KCNQ2: variants seen among roughly 807,000 people sequenced by gnomAD.
KCNQ2 encodes the protein potassium voltage-gated channel subfamily Q member 2, also known as potassium voltage-gated channel subfamily KQT member 2.
KCNQ2 carries 14 observed loss-of-function variants against 84.8 expected under a neutral mutation model. The ratio of observed to expected loss-of-function variants is 0.17; its 90% confidence interval spans 0.11 to 0.26. The LOEUF is 0.26. KCNQ2 is among the 10% of genes least tolerant of loss of function. The pLI is 1.00. For missense variants in KCNQ2, 788 were observed against 1,254.0 expected (o/e 0.63, Z 5.61); for synonymous variants, 599 against 554.1 (o/e 1.08, Z -1.14).
intron 12 of KCNQ2, among the ~76,000 whole-genome samples, chr20:63,419,317 C>T (rs2145585825): frequency 6.6e-6 from 1 of 152,314 alleles, no homozygotes; most frequent in African/African-American, 2.4e-5. Context: ...CCCTGAAGAG[C>T]AGTCGGGGAC....
At chr20:63,444,176 G>A (rs1030431100) in intron 4 of KCNQ2, among the ~76,000 whole-genome samples, 1 of 152,252 alleles carries the variant, frequency 6.6e-6, no homozygotes, top group African/African-American at 2.4e-5. Context: ...GGCAGGATGG[G>A]GTCTCGGTCA....
chr20:63,414,858 C>T lies in KCNQ2; in HGVS notation c.1525+45G>A, dbSNP rs1601572438. On this transcript the variant is annotated intron_variant, in intron 13 of 16. Transcript: ENST00000359125. The surrounding 1 kb of genome is among the most constrained non-coding windows in gnomAD (Gnocchi z 6.6). ...GCCACAGTAGCGTGGCCACCACATC[C>T]ATCCCCGGAGAGGATGGACCAGGAG... The T allele has an allele frequency of 6.3e-7, 1 of 1,591,086 alleles. No individual in the cohort carries two copies.
rs1322141098 is a variant in KCNQ2 at position 63,460,552 on chromosome 20, A to T, written c.296+11616T>A. Reference sequence around the variant, plus strand: ...AGCTCCAGTCCCTGGCCCCCTACAAACGTCCTAGTGAGTGCTCTCTCTCGG... The same window carrying T: ...AGCTCCAGTCCCTGGCCCCCTACAATCGTCCTAGTGAGTGCTCTCTCTCGG... On this transcript the variant is annotated intron_variant, in intron 1 of 16. Coordinates refer to ENST00000359125, the MANE Select transcript of KCNQ2 (RefSeq NM_172107.4). The surrounding 1 kb of genome is among the most constrained non-coding windows in gnomAD (Gnocchi z 5.4). Among the ~76,000 whole-genome samples the T allele has an allele frequency of 6.6e-6, 1 of 151,622 alleles. No individual in the cohort carries two copies. Among genetic ancestry groups the T allele is most frequent in the African/African-American group, 2.4e-5 (1 of 41,248 alleles).
At chr20:63,427,851 AGACATGGAACTGCTT>A (rs939434378) in intron 10 of KCNQ2, among the ~76,000 whole-genome samples, 5 of 152,220 alleles carry the variant, frequency 3.3e-5, no homozygotes, top group African/African-American at 1.2e-4. Flanking sequence ...AAGGGCTTTC[AGACATGGAACTGCTT>A]GGGGACGGCT....
rs552895047 is a variant in KCNQ2, at chr20:63,454,375, G to A, written c.297-7538C>T. On this transcript the variant is annotated intron_variant, in intron 1 of 16. Transcript: ENST00000359125. ...AACAGATGGCACAGATGGCGCTGCC[G>A]GGGGCGGCCGGTGCAGGGGAGGCAG... 4.6e-5 allele frequency among the ~76,000 whole-genome samples: 7 copies of A among 152,326 alleles called. No homozygotes were observed. In the East Asian group the frequency reaches 1.2e-3, roughly 25 times the overall value.
intron 9 of KCNQ2, among the ~76,000 whole-genome samples, chr20:63,428,685 G>A (rs551122252): frequency 6.6e-6 from 1 of 152,332 alleles, no homozygotes; most frequent in South Asian, 2.1e-4. Flanking sequence ...GGACAGCAGG[G>A]AGGAGGGAAG....
At chr20:63,416,211 G>T (rs945191760) in intron 12 of KCNQ2, among the ~76,000 whole-genome samples, 1 of 152,172 alleles carries the variant, frequency 6.6e-6, no homozygotes, top group Non-Finnish European at 1.5e-5. Context: ...GGCCCCCTCG[G>T]CCTGCGAGGC....
rs536060700 is a variant in KCNQ2 at position 63,463,313 on chromosome 20, T to C, written c.296+8855A>G. On this transcript the variant is annotated intron_variant, in intron 1 of 16. Transcript: ENST00000359125. ...ACATCAGGCCCTGCCTGGCCTTATC[T>C]GGTCTACAAAGGGGACTCCAGGCTG... Among the ~76,000 whole-genome samples, 33 of 152,270 alleles carry C rather than the reference T, an allele frequency of 2.2e-4. No individual in the cohort carries two copies. In the South Asian group the frequency reaches 6.4e-3, roughly 30 times the overall value.
In KCNQ2 at chr20:63,408,291, T is replaced by C; in HGVS notation, c.1887+122A>G. On this transcript the variant is annotated intron_variant, in intron 16 of 16. Transcript: ENST00000359125. This position sits in a 1 kb window ranked among gnomAD's most constrained non-coding sequence, Gnocchi z 5.0. ...GCAGCTGTCAGTGGTGACAGGGCCA[T>C]GTAAACCCTAGACTTGAGGAGCCCT... The C allele has an allele frequency of 1.6e-6, 2 of 1,266,182 alleles. No individual in the cohort carries two copies. The highest frequency in any genetic ancestry group is 1.4e-5 in the South Asian group (1 of 73,722). 78.4% of individuals were successfully genotyped at this position (1,266,182 alleles called of 1,614,324 possible).
At position 63,413,523 on chromosome 20, in the gene KCNQ2, C is replaced by G. The variant is rs776422347; in HGVS notation, c.1690G>C (p.Val564Leu). Residue 564 changes from valine to leucine, a missense_variant, in exon 15 of 17, where the codon GTG becomes CTG. Transcript: ENST00000359125. ...KFKESLRPYD[V>L]MDVIEQYSAG... ...GAGTACTGCTCGATGACGTCCATCA[C>G]GTCGTAGGGCCGCAGGCTCTCCTTG... 2 of 1,613,400 alleles carry G rather than the reference C, an allele frequency of 1.2e-6. No homozygotes were observed. The highest frequency in any genetic ancestry group is 1.7e-6 in the Non-Finnish European group (2 of 1,180,016).
Position 63,472,341 on chromosome 20 carries a change from C to G in KCNQ2, c.123G>C (p.Leu41=), listed in dbSNP as rs1600886191. 8.5e-6 allele frequency: 13 copies of G among 1,536,576 alleles called. No individual in the cohort carries two copies. Among genetic ancestry groups the G allele is most frequent in the East Asian group, 5.0e-5 (2 of 39,690 alleles). ...APDSTRDGAL[L]IAGSEAPKRG... is the part of the protein sequence containing the mutation. Reference sequence around the variant, plus strand: ...GCTTGGGGGCCTCGGAGCCGGCGATCAGCAGCGCCCCGTCCCGGGTGGAGT... The same window carrying G: ...GCTTGGGGGCCTCGGAGCCGGCGATGAGCAGCGCCCCGTCCCGGGTGGAGT... The change falls in exon 1 of 17, where the codon CTG becomes CTC. Residue 41 remains leucine, a synonymous_variant. Coordinates refer to ENST00000359125, the MANE Select transcript of KCNQ2 (RefSeq NM_172107.4).
At position 63,424,166 on chromosome 20, in the gene KCNQ2, G is replaced by C; in HGVS notation, c.1247+11C>G. On this transcript the variant is annotated intron_variant, in intron 11 of 16. Transcript: ENST00000359125. ...ACGGCAGACACCAGGGTAGCAGCAG[G>C]GGGCACTGACCTTGGAGACGGCTCC... is the stretch of plus-strand genomic sequence containing the variant. The C allele has an allele frequency of 6.4e-7, 1 of 1,555,778 alleles. No individual in the cohort carries two copies. Among genetic ancestry groups the C allele is most frequent in the South Asian group, 1.2e-5 (1 of 84,348 alleles).
In KCNQ2 at chr20:63,446,655, G is replaced by A. The variant is rs1402275538; in HGVS notation, c.387+92C>T. 1.9e-6 allele frequency: 2 copies of A among 1,067,930 alleles called. No individual in the cohort carries two copies. The highest frequency in any genetic ancestry group is 1.6e-5 in the African/African-American group (1 of 63,814). 66.2% of individuals were successfully genotyped at this position (1,067,930 alleles called of 1,614,324 possible). A position where few individuals can be genotyped will look rare whatever the true frequency, so the allele number is the denominator to read the frequency against. Reference sequence around the variant, plus strand: ...CAGAGCTGGGGCTGGGGGCGTCAGAGGCCCTGTAGTAACAGGAACGGAAGA... The same window carrying A: ...CAGAGCTGGGGCTGGGGGCGTCAGAAGCCCTGTAGTAACAGGAACGGAAGA... On this transcript the variant is annotated intron_variant, in intron 2 of 16. Coordinates refer to ENST00000359125, the MANE Select transcript of KCNQ2 (RefSeq NM_172107.4). This position sits in a 1 kb window ranked among gnomAD's most constrained non-coding sequence, Gnocchi z 5.5.
In KCNQ2 at chr20:63,446,762, C is replaced by T. The variant is rs1758564573; in HGVS notation, c.372G>A (p.Gly124=). The T allele has an allele frequency of 6.2e-6, 10 of 1,613,318 alleles. No homozygotes were observed. Among genetic ancestry groups the T allele is most frequent in the Non-Finnish European group, 8.5e-6 (10 of 1,179,912 alleles). Residue 124 remains glycine, a synonymous_variant, in exon 2 of 17, where the codon GGG becomes GGA. Transcript: ENST00000359125. The surrounding 1 kb of genome is among the most constrained non-coding windows in gnomAD (Gnocchi z 5.5). ...TIKEYEKSSE[G]ALYILEIVTI... ...CGGGGCTCACCAGGATGTAGAGGGC[C>T]CCCTCCGAGCTCTTCTCATACTCCT...
chr20:63,457,195 G>A (rs1021130150), intron 1 of KCNQ2, among the ~76,000 whole-genome samples: 7 of 152,242 alleles, frequency 4.6e-5, no homozygotes, highest in African/African-American at 1.2e-4. Context: ...CAAGGGCCAC[G>A]CTCCTGCAGA....
intron 11 of KCNQ2, 139 bp downstream of exon 11, chr20:63,424,038 G>GT: frequency 1.1e-6 from 1 of 922,244 alleles, no homozygotes. Flanking sequence ...GCGGGGGTCT[G>GT]GACCCGCAGT....
At chr20:63,472,035 G>C in intron 1 of KCNQ2, 133 bp downstream of exon 1, 1 of 618,120 alleles carries the variant, frequency 1.6e-6, no homozygotes, top group Non-Finnish European at 2.6e-6. Context: ...TCCCGCCGGG[G>C]AGCGCCGGCC....
At position 63,408,619 on chromosome 20, in the gene KCNQ2, T is replaced by C; in HGVS notation, c.1764-83A>G. The C allele has an allele frequency of 1.3e-6, 2 of 1,562,366 alleles. No individual in the cohort carries two copies. The highest frequency in any genetic ancestry group is 1.7e-6 in the Non-Finnish European group (2 of 1,157,290). ...CCTCTCCTCCTGGACCAGGCCACAG[T>C]GCCCCTGGGTCTAGGCTGCAGGCTC... is the stretch of plus-strand genomic sequence containing the variant. On this transcript the variant is annotated intron_variant, in intron 15 of 16. Coordinates refer to ENST00000359125, the MANE Select transcript of KCNQ2 (RefSeq NM_172107.4). This position sits in a 1 kb window ranked among gnomAD's most constrained non-coding sequence, Gnocchi z 5.0.
At chr20:63,428,466 G>A (rs769944438) in intron 9 of KCNQ2, 31 bp from the exon 10 acceptor site, 35 of 1,551,990 alleles carry the variant, frequency 2.3e-5, no homozygotes, top group African/African-American at 4.1e-5. Flanking sequence ...GGGAGTGAGC[G>A]TCTCACCCTC....
Sources: allele counts gnomAD v4.1 joint callset (sites outside exome capture counted in the v4.1 genomes callset), GRCh38; gene constraint gnomAD v4.1.1; non-coding constraint Gnocchi (gnomAD v3.1); transcripts MANE v1.5; gene names NCBI Gene and HGNC (gene_info 2026-07-23, HGNC 2026-07-21).